The following SNCAIP variants were observed in gnomAD, a reference collection of about 807,000 sequenced individuals.
SNCAIP encodes synuclein alpha interacting protein.
A neutral mutation model predicts 86.7 loss-of-function variants in SNCAIP; 43 were observed. That is an observed-to-expected ratio of 0.50 (90% CI 0.39 to 0.64). The LOEUF is 0.64. Among genes scored for constraint, SNCAIP ranks in the 30% least tolerant of loss-of-function variants. The pLI is 0.00. For synonymous variants in SNCAIP, 417 were observed against 427.2 expected (o/e 0.98, Z 0.29); for missense variants, 981 against 1,103.1 (o/e 0.89, Z 1.57).
At chr5:122,403,908 G>A (rs1772393014) in intron 3 of SNCAIP, 43 bp downstream of exon 3, 1 of 1,451,198 alleles carries the variant, frequency 6.9e-7, no homozygotes, top group African/African-American at 1.4e-5. Context: ...CTGGCTCAGT[G>A]TTAATGGCTC....
At chr5:122,441,937 G>A (rs150169150) in intron 7 of SNCAIP, among the ~76,000 whole-genome samples, 226 of 152,130 alleles carry the variant, frequency 1.5e-3, no homozygotes, top group Middle Eastern at 6.8e-3. Flanking sequence ...AAAGTGACCC[G>A]ACATATATGG....
At chr5:122,363,345 A>G (rs960343314) in intron 1 of SNCAIP, among the ~76,000 whole-genome samples, 3 of 152,122 alleles carry the variant, frequency 2.0e-5, no homozygotes, top group African/African-American at 7.2e-5. Flanking sequence ...CAGTAATTCC[A>G]GTGGTCACAT....
At chr5:122,432,312 A>C (rs1778571130) in intron 6 of SNCAIP, among the ~76,000 whole-genome samples, 1 of 152,160 alleles carries the variant, frequency 6.6e-6, no homozygotes. Flanking sequence ...GCAGCCATTG[A>C]TGACATTTTA....
rs1378452204 is a variant in SNCAIP, at chr5:122,464,205, A to G, written c.*709A>G. 2.0e-5 allele frequency: 3 copies of G among 152,192 alleles called. No individual in the cohort carries two copies. Among genetic ancestry groups the G allele is most frequent in the African/African-American group, 4.8e-5 (2 of 41,450 alleles). The allele number at this position is 152,192 out of a possible 1,614,324, so 9.4% of individuals were successfully genotyped here. ...CCATAGGCGTCAAATAAAACATTCT[A>G]TATTTCATTAAGTACTAAAGGATCA... is the stretch of plus-strand genomic sequence containing the variant. On this transcript the variant is annotated 3_prime_UTR_variant, in exon 11 of 11. Coordinates refer to ENST00000261368, the MANE Select transcript of SNCAIP (RefSeq NM_005460.4).
chr5:122,380,234 T>C (rs1580835081), intron 1 of SNCAIP, among the ~76,000 whole-genome samples: 1 of 152,230 alleles, frequency 6.6e-6, no homozygotes, highest in East Asian at 1.9e-4. Context: ...TATTGGTCTA[T>C]TCAGAGATTC....
intron 1 of SNCAIP, among the ~76,000 whole-genome samples, chr5:122,335,413 A>G (rs955020200): frequency 2.6e-5 from 4 of 152,180 alleles, no homozygotes; most frequent in African/African-American, 7.2e-5. Flanking sequence ...TCAAAAGTAT[A>G]TATTTGTAGT....
At chr5:122,415,835 A>C (rs1021404003) in intron 3 of SNCAIP, among the ~76,000 whole-genome samples, 4 of 152,174 alleles carry the variant, frequency 2.6e-5, no homozygotes, top group African/African-American at 9.7e-5. Flanking sequence ...ACATTTCCTC[A>C]AGAAAGGGAG....
rs79596600 is a variant in SNCAIP, at chr5:122,456,940, T to C, written c.2754+5339T>C. Among the ~76,000 whole-genome samples the C allele has an allele frequency of 1.8e-3, 273 of 152,342 alleles. 5 individuals carry two copies. The East Asian group carries it at 0.037, about 21-fold the overall frequency. On this transcript the variant is annotated intron_variant, in intron 10 of 10. Coordinates refer to ENST00000261368, the MANE Select transcript of SNCAIP (RefSeq NM_005460.4). ...AGTATTTAGTAAAGTAGTTGGTGCTTAACACTATAGACATTTGAGTTTTTG... is the reference window on the plus strand; with the variant it reads ...AGTATTTAGTAAAGTAGTTGGTGCTCAACACTATAGACATTTGAGTTTTTG...
In SNCAIP at chr5:122,371,768, AT is replaced by A. The variant is rs551285033; in HGVS notation, c.-46-19318del. The A allele has an allele frequency of 2.4e-3, 366 of 152,294 alleles. 4 individuals carry two copies. Among genetic ancestry groups the A allele is most frequent in the African/African-American group, 8.3e-3 (343 of 41,562 alleles). The allele number at this position is 152,294 out of a possible 1,614,324, so 9.4% of individuals were successfully genotyped here. On this transcript the variant is annotated intron_variant, in intron 1 of 10. Coordinates refer to ENST00000261368, the MANE Select transcript of SNCAIP (RefSeq NM_005460.4). ...AATCTGCTTTACTCTCTGGACTTCT[AT>A]TTCCTCATCTGTGAAGTGAGAGTGA...
intron 1 of SNCAIP, among the ~76,000 whole-genome samples, chr5:122,367,789 A>G (rs921276197): frequency 6.6e-6 from 1 of 152,198 alleles, no homozygotes; most frequent in African/African-American, 2.4e-5. Context: ...TAGCAGTTGT[A>G]TAGCACTCTG....
chr5:122,347,633 T>C (rs1367348126), intron 1 of SNCAIP, among the ~76,000 whole-genome samples: 1 of 152,130 alleles, frequency 6.6e-6, no homozygotes, highest in Admixed American at 6.6e-5. Context: ...CATATTGATC[T>C]TACTTTGTCT....
At chr5:122,330,190 C>T (rs1372462110) in intron 1 of SNCAIP, among the ~76,000 whole-genome samples, 1 of 137,470 alleles carries the variant, frequency 7.3e-6, no homozygotes, top group South Asian at 2.4e-4. Flanking sequence ...GGCGGGATCT[C>T]GGCTCACTGC....
chr5:122,380,995 T>A (rs1441767683), intron 1 of SNCAIP, among the ~76,000 whole-genome samples: 2 of 146,208 alleles, frequency 1.4e-5, no homozygotes, highest in Non-Finnish European at 3.0e-5. Context: ...TGTGTTGTGG[T>A]GCTGAAAAAA....
intron 4 of SNCAIP, among the ~76,000 whole-genome samples, chr5:122,423,963 A>C (rs1315581920): frequency 6.6e-6 from 1 of 152,204 alleles, no homozygotes; most frequent in Non-Finnish European, 1.5e-5. Context: ...TTTCATTTTA[A>C]CTTTGCATGA....
intron 1 of SNCAIP, among the ~76,000 whole-genome samples, chr5:122,382,651 G>A (rs1180618191): frequency 6.6e-6 from 1 of 151,994 alleles, no homozygotes; most frequent in African/African-American, 2.4e-5. Context: ...TTTCTGTTCT[G>A]TTTTTTCCCC....
intron 5 of SNCAIP, among the ~76,000 whole-genome samples, chr5:122,431,500 A>G (rs1005099744): frequency 1.3e-5 from 2 of 152,148 alleles, no homozygotes; most frequent in Admixed American, 6.6e-5. Flanking sequence ...ACACAAGAGT[A>G]TATACACTAA....
At chr5:122,379,486 CAG>C (rs1299534831) in intron 1 of SNCAIP, among the ~76,000 whole-genome samples, 1 of 128,200 alleles carries the variant, frequency 7.8e-6, no homozygotes, top group Non-Finnish European at 1.6e-5. Context: ...CGTCTGCAAA[CAG>C]GGACAATTTG....
intron 1 of SNCAIP, among the ~76,000 whole-genome samples, chr5:122,373,970 C>T (rs931508460): frequency 2.0e-5 from 3 of 152,106 alleles, no homozygotes; most frequent in East Asian, 1.9e-4. Flanking sequence ...CCAGAATTCT[C>T]GAATGCAGGA....
At chr5:122,462,212 A>C (rs1372675582) in intron 10 of SNCAIP, among the ~76,000 whole-genome samples, 1 of 152,176 alleles carries the variant, frequency 6.6e-6, no homozygotes, top group Non-Finnish European at 1.5e-5. Flanking sequence ...CTGGTAGTGC[A>C]AATCAGTTAG....
Sources: gnomAD v4.1 joint callset for allele counts (sites outside exome capture counted in the v4.1 genomes callset) on GRCh38, gnomAD v4.1.1 for gene constraint, MANE v1.5 for transcripts, NCBI Gene and HGNC (gene_info 2026-07-23, HGNC 2026-07-21) for gene names.